GYG2: variants seen among roughly 807,000 people sequenced by gnomAD.
GYG2 encodes glycogenin 2.
In GYG2, 29 loss-of-function variants were observed where a neutral mutation model predicts 29.4. The observed-to-expected ratio is 0.99, with a 90% confidence interval of 0.74 to 1.35. The LOEUF is 1.35. GYG2 is among the 40% of genes most tolerant of loss of function. GYG2 has a pLI of 0.00. For synonymous variants in GYG2, 167 were observed against 172.3 expected (o/e 0.97, Z 0.24); for missense variants, 370 against 385.7 (o/e 0.96, Z 0.34).
intron 3 of GYG2, among the ~76,000 whole-genome samples, chrX:2,848,544 A>AG (rs1198091267): frequency 5.5e-3 from 20 of 3,634 alleles, no homozygotes; most frequent in African/African-American, 9.3e-3. Flanking sequence ...TCAAAAAAGA[A>AG]GGGAAAAAAA....
intron 3 of GYG2, among the ~76,000 whole-genome samples, chrX:2,846,051 ATATATTTTTTTTTTTTTTTTTT>A: frequency 3.5e-5 from 1 of 28,530 alleles, no homozygotes; most frequent in Non-Finnish European, 5.7e-5. Flanking sequence ...ATATATATAT[ATATATTTTTTTTTTTTTTTTTT>A]TTTTTTTTTT....
intron 8 of GYG2, among the ~76,000 whole-genome samples, chrX:2,871,016 T>A (rs777611465): frequency 5.1e-4 from 56 of 110,499 alleles, no homozygotes; most frequent in African/African-American, 1.5e-3. Context: ...TTTTTTTTTT[T>A]AATTCATGTG....
At chrX:2,876,456 G>A (rs988425699) in intron 9 of GYG2, among the ~76,000 whole-genome samples, 15 of 110,775 alleles carry the variant, frequency 1.4e-4, no homozygotes, top group African/African-American at 4.9e-4. Flanking sequence ...TTAGTAAAAT[G>A]CTTCTGTAGG....
chrX:2,841,679 C>T (rs762439787), intron 2 of GYG2, among the ~76,000 whole-genome samples: 17 of 111,807 alleles, frequency 1.5e-4, no homozygotes, highest in Non-Finnish European at 2.8e-4. Context: ...CTGTACCACA[C>T]GTCTGGGACG....
intron 4 of GYG2, among the ~76,000 whole-genome samples, chrX:2,854,630 A>G (rs989951995): frequency 1.8e-5 from 2 of 112,222 alleles, no homozygotes; most frequent in African/African-American, 3.2e-5. Flanking sequence ...CACAAAATAG[A>G]ATCATGAGGG....
chrX:2,846,365 G>A (rs926909474), intron 3 of GYG2, among the ~76,000 whole-genome samples: 2 of 108,276 alleles, frequency 1.8e-5, no homozygotes, highest in African/African-American at 6.7e-5. Context: ...GTGACTCACC[G>A]TGCCCAGCCC....
chrX:2,867,375 C>T (rs899945096), intron 8 of GYG2, among the ~76,000 whole-genome samples: 2 of 110,900 alleles, frequency 1.8e-5, no homozygotes, highest in Non-Finnish European at 3.8e-5. Flanking sequence ...ACAGAGGGGG[C>T]GGCAAGGGAG....
rs1179971359 is a variant in GYG2, at chrX:2,860,003, AAC to A, written c.776_777del (p.Asn259SerfsTer6). The A allele has an allele frequency of 8.3e-7, 1 of 1,202,782 alleles. No individual in the cohort carries two copies. Among genetic ancestry groups the A allele is most frequent in the African/African-American group, 1.8e-5 (1 of 56,803 alleles). ...TCTCTGGTGGACGGTCTACCAGAAC[AAC>A]GTGCTGCCCCTTTATAAAAGCGTCC... ...LHLWWTVYQNNVLPLYKSVQA... is the reference protein window; with the variant it reads ...LHLWWTVYQNXVLPLYKSVQA... On this transcript the variant is annotated frameshift_variant, in exon 7 of 11. Transcript: ENST00000398806. LOFTEE classifies it high-confidence loss of function.
At chrX:2,863,369 C>T (rs1029184505) in intron 8 of GYG2, among the ~76,000 whole-genome samples, 2 of 111,768 alleles carry the variant, frequency 1.8e-5, no homozygotes, top group Non-Finnish European at 3.8e-5. Context: ...CCACCACGCC[C>T]GGCAAGATTT....
intron 10 of GYG2, among the ~76,000 whole-genome samples, chrX:2,880,410 AAATTAGT>A (rs925994386): frequency 4.5e-5 from 3 of 66,823 alleles, no homozygotes; most frequent in South Asian, 1.3e-3. Context: ...TGAGAGTATT[AAATTAGT>A]GTGTGTGTGT....
intron 8 of GYG2, among the ~76,000 whole-genome samples, chrX:2,873,037 T>G (rs1170383284): frequency 1.8e-5 from 2 of 112,263 alleles, no homozygotes; most frequent in African/African-American, 6.5e-5. Flanking sequence ...TCTCACTTGC[T>G]AGTTCTCGTA....
At chrX:2,847,801 T>C (rs1433504396) in intron 3 of GYG2, among the ~76,000 whole-genome samples, 3 of 111,339 alleles carry the variant, frequency 2.7e-5, no homozygotes, top group Non-Finnish European at 5.7e-5. Flanking sequence ...CATAGAGAAA[T>C]CTTAGAAGAA....
chrX:2,854,969 G>A, intron 4 of GYG2, 24 bp from the exon 5 acceptor site: 2 of 1,202,509 alleles, frequency 1.7e-6, no homozygotes, highest in Non-Finnish European at 2.2e-6. Context: ...ATTGCGGCGG[G>A]TTCTGCGTGT....
At chrX:2,861,459 AG>A (rs1187194634) in intron 7 of GYG2, 62 bp from the exon 8 acceptor site, 13 of 940,192 alleles carry the variant, frequency 1.4e-5, no homozygotes, top group Non-Finnish European at 1.7e-5. Context: ...CCCGCCCCCC[AG>A]GACAGCAGGT....
chrX:2,856,961 GTTTATCTATCTATCTA>G (rs1230411474), intron 6 of GYG2, among the ~76,000 whole-genome samples: 37 of 43,240 alleles, frequency 8.6e-4, no homozygotes, highest in Admixed American at 1.8e-3. Flanking sequence ...CTAGACATCT[GTTTATCTATCTATCTA>G]TCTATCTATC....
intron 2 of GYG2, among the ~76,000 whole-genome samples, chrX:2,835,458 G>C (rs1489201483): frequency 8.9e-6 from 1 of 112,038 alleles, no homozygotes; most frequent in African/African-American, 3.2e-5. Flanking sequence ...TTTTAGTTTA[G>C]GTTTACAGAC....
intron 8 of GYG2, 117 bp from the exon 9 acceptor site, chrX:2,875,693 A>G: frequency 2.0e-6 from 1 of 507,344 alleles, no homozygotes; most frequent in Non-Finnish European, 3.4e-6. Flanking sequence ...CCTATCCCAT[A>G]TCAAGTTGTA....
chrX:2,843,462 A>G (rs1385970160), intron 3 of GYG2, 108 bp downstream of exon 3: 2 of 585,630 alleles, frequency 3.4e-6, no homozygotes, highest in African/African-American at 4.6e-5. Context: ...GCCCTTCTTC[A>G]TAGGCCTGGA....
Position 2,854,090 on chromosome X carries a change from C to G in GYG2, c.260C>G (p.Thr87Ser). 1 of 1,207,173 alleles carries G rather than the reference C, an allele frequency of 8.3e-7. No homozygotes were observed. Among genetic ancestry groups the G allele is most frequent in the Non-Finnish European group, 1.1e-6 (1 of 891,869 alleles). Residue 87 changes from threonine (T) to serine (S), a missense_variant, in exon 4 of 11, where the codon ACC (threonine) becomes AGC (serine). Coordinates refer to ENST00000398806, the MANE Select transcript of GYG2 (RefSeq NM_001079855.2). Reference protein sequence around the residue: ...LKRPELGLTLTKLHCWTLTHY... With the variant: ...LKRPELGLTLSKLHCWTLTHY... ...AGACCTGAGCTCGGGCTCACCCTCA[C>G]CAAGCTTCACTGTTGGACTCTCACT...
Sources: gnomAD v4.1 joint callset for allele counts (sites outside exome capture counted in the v4.1 genomes callset) on GRCh38, gnomAD v4.1.1 for gene constraint, MANE v1.5 for transcripts, NCBI Gene and HGNC (gene_info 2026-07-23, HGNC 2026-07-21) for gene names.